The following DLGAP2 variants were observed in gnomAD, a reference collection of about 807,000 sequenced individuals.
DLGAP2 encodes DLG associated protein 2.
DLGAP2 carries 26 observed loss-of-function variants against 100.3 expected under a neutral mutation model. The observed-to-expected ratio is 0.26, with a 90% CI of 0.19 to 0.36. The LOEUF (loss-of-function observed/expected upper bound fraction) is 0.36, where lower values mean the gene tolerates loss of function less well. DLGAP2 is among the 10% of genes least tolerant of loss of function. The pLI, the probability that DLGAP2 is intolerant of heterozygous loss-of-function variation, is 1.00. For missense variants in DLGAP2, 1,858 were observed against 1,453.2 expected (o/e 1.28, Z -4.53); for synonymous variants, 886 against 630.1 (o/e 1.41, Z -6.08).
chr8:812,299 C>T (rs1425678230), intron 1 of DLGAP2, among the ~76,000 whole-genome samples: 1 of 152,094 alleles, frequency 6.6e-6, no homozygotes, highest in Non-Finnish European at 1.5e-5. Flanking sequence ...GCAGTGGGCA[C>T]GGTTGTCCTG....
At chr8:1,209,420 A>C (rs1798059964) in intron 2 of DLGAP2, among the ~76,000 whole-genome samples, 1 of 152,216 alleles carries the variant, frequency 6.6e-6, no homozygotes, top group Non-Finnish European at 1.5e-5. Flanking sequence ...CCAAAAAGAC[A>C]ATCAGATTTG....
intron 3 of DLGAP2, among the ~76,000 whole-genome samples, chr8:1,465,198 G>A (rs1309346548): frequency 1.3e-5 from 2 of 152,268 alleles, no homozygotes; most frequent in African/African-American, 4.8e-5. Context: ...TAACCAGCCA[G>A]TGGTAAACCG....
intron 1 of DLGAP2, among the ~76,000 whole-genome samples, chr8:821,144 A>C (rs1796576513): frequency 1.3e-5 from 2 of 152,244 alleles, no homozygotes; most frequent in Non-Finnish European, 2.9e-5. Flanking sequence ...TTACCTTATT[A>C]GAATTTTACA....
intron 6 of DLGAP2, among the ~76,000 whole-genome samples, chr8:1,591,743 C>A (rs1436824630): frequency 2.0e-5 from 3 of 152,200 alleles, no homozygotes; most frequent in Non-Finnish European, 4.4e-5. Context: ...CCCCACATCA[C>A]ACCCAACTGC....
At chr8:956,554 G>C (rs1421238489) in intron 2 of DLGAP2, among the ~76,000 whole-genome samples, 2 of 152,276 alleles carry the variant, frequency 1.3e-5, no homozygotes, top group South Asian at 4.1e-4. Context: ...GAAGGACCAG[G>C]GCAGGAGGGG....
At chr8:989,893 A>G (rs1163798941) in intron 2 of DLGAP2, among the ~76,000 whole-genome samples, 1 of 152,110 alleles carries the variant, frequency 6.6e-6, no homozygotes, top group East Asian at 1.9e-4. Flanking sequence ...TGATTTTTCT[A>G]AGTCTTTTAA....
intron 12 of DLGAP2, among the ~76,000 whole-genome samples, chr8:1,686,933 T>G (rs1799130966): frequency 6.6e-6 from 1 of 152,210 alleles, no homozygotes; most frequent in Non-Finnish European, 1.5e-5. Context: ...GTCATCCTGA[T>G]TTGATCTTAG....
intron 3 of DLGAP2, among the ~76,000 whole-genome samples, chr8:1,362,008 C>A (rs920164423): frequency 1.3e-5 from 2 of 152,126 alleles, no homozygotes; most frequent in Non-Finnish European, 2.9e-5. Context: ...GTGGAATGGC[C>A]CCTTCCGTGC....
chr8:1,047,125 G>T (rs977811185), intron 2 of DLGAP2, among the ~76,000 whole-genome samples: 1 of 152,080 alleles, frequency 6.6e-6, no homozygotes, highest in Non-Finnish European at 1.5e-5. Context: ...ACCCCTAACT[G>T]GTTGGCAGTC....
chr8:823,427 C>A (rs889654184), intron 1 of DLGAP2, among the ~76,000 whole-genome samples: 3 of 152,116 alleles, frequency 2.0e-5, no homozygotes, highest in Non-Finnish European at 4.4e-5. Flanking sequence ...TAGCAAGGGG[C>A]AATTGCTTAT....
At chr8:1,007,831 A>C (rs541833961) in intron 2 of DLGAP2, among the ~76,000 whole-genome samples, 1 of 152,346 alleles carries the variant, frequency 6.6e-6, no homozygotes, top group South Asian at 2.1e-4. Context: ...ATTTGTGCCC[A>C]GTAACATAAA....
chr8:1,318,461 G>A (rs1053439043), intron 3 of DLGAP2, among the ~76,000 whole-genome samples: 5 of 150,392 alleles, frequency 3.3e-5, no homozygotes, highest in South Asian at 2.2e-4. Context: ...GTATATGCCA[G>A]TTAGCAAAAT....
At chr8:1,535,868 C>A (rs1275784400) in intron 4 of DLGAP2, among the ~76,000 whole-genome samples, 1 of 152,182 alleles carries the variant, frequency 6.6e-6, no homozygotes, top group East Asian at 1.9e-4. Flanking sequence ...GCCTGGATGA[C>A]TAGGGCATGG....
intron 2 of DLGAP2, among the ~76,000 whole-genome samples, chr8:938,409 A>T (rs1450914557): frequency 6.6e-6 from 1 of 152,128 alleles, no homozygotes; most frequent in Non-Finnish European, 1.5e-5. Context: ...TGTTGCCCAT[A>T]GAGAGCTTGA....
At chr8:1,117,249 G>C (rs531117178) in intron 2 of DLGAP2, among the ~76,000 whole-genome samples, 3 of 152,228 alleles carry the variant, frequency 2.0e-5, no homozygotes, top group African/African-American at 7.2e-5. Flanking sequence ...TCGGGGCTGT[G>C]CCCTCTCTGA....
At chr8:1,225,149 G>A (rs1405881764) in intron 2 of DLGAP2, among the ~76,000 whole-genome samples, 1 of 152,232 alleles carries the variant, frequency 6.6e-6, no homozygotes, top group Non-Finnish European at 1.5e-5. Context: ...TCACAGCAGT[G>A]CTTGCATGAT....
chr8:853,480 C>T (rs1465080943), intron 1 of DLGAP2, among the ~76,000 whole-genome samples: 1 of 152,220 alleles, frequency 6.6e-6, no homozygotes, highest in Non-Finnish European at 1.5e-5. Context: ...GGCTTAGGTA[C>T]AGGATGCCCC....
chr8:1,105,247 C>T (rs934488425), intron 2 of DLGAP2, among the ~76,000 whole-genome samples: 1 of 152,190 alleles, frequency 6.6e-6, no homozygotes, highest in Non-Finnish European at 1.5e-5. Context: ...AAAATTACAA[C>T]CGTGGTGCCT....
At chr8:1,435,634 T>C (rs982603735) in intron 3 of DLGAP2, among the ~76,000 whole-genome samples, 2 of 151,652 alleles carry the variant, frequency 1.3e-5, no homozygotes, top group Non-Finnish European at 2.9e-5. Context: ...TAGAGTGCGC[T>C]CCTTCTGCTT....
Sources: gnomAD v4.1 joint callset for allele counts (sites outside exome capture counted in the v4.1 genomes callset) on GRCh38, gnomAD v4.1.1 for gene constraint, MANE v1.5 for transcripts, NCBI Gene and HGNC (gene_info 2026-07-23, HGNC 2026-07-21) for gene names.